Variants in TNPO3 observed in about 807,000 individuals in gnomAD.
TNPO3 encodes transportin-3.
In TNPO3, 65 loss-of-function variants were observed where a neutral mutation model predicts 122.8. That is an observed-to-expected ratio of 0.53 (90% confidence interval 0.43 to 0.65). The LOEUF (loss-of-function observed/expected upper bound fraction) is 0.65. Ranked by LOEUF, TNPO3 falls within the 30% of genes least tolerant of loss-of-function variation. The pLI is 0.00. For missense variants in TNPO3, 850 were observed against 1,136.7 expected, an observed-to-expected ratio of 0.75 and a Z score of 3.63; for synonymous variants, 372 against 411.2, an observed-to-expected ratio of 0.90 and a Z score of 1.15.
intron 21 of TNPO3, 109 bp from the exon 22 acceptor site, chr7:128,957,424 G>A (rs1797005610): frequency 8.9e-7 from 1 of 1,118,862 alleles, no homozygotes. Flanking sequence ...TCTGCTAGGA[G>A]CTCTCTCCAT....
At chr7:129,048,164 G>A (rs964514669) in intron 1 of TNPO3, among the ~76,000 whole-genome samples, 3 of 152,176 alleles carry the variant, frequency 2.0e-5, no homozygotes, top group Admixed American at 6.5e-5. Flanking sequence ...GGTGAGCAAG[G>A]CTGCAGTGAG....
At chr7:128,970,390 T>C in intron 19 of TNPO3, 75 bp from the exon 20 acceptor site, 1 of 1,408,800 alleles carries the variant, frequency 7.1e-7, no homozygotes, top group Non-Finnish European at 9.6e-7. Context: ...CTTTCCCCTT[T>C]AGTAATTTCT....
At chr7:129,013,694 T>C (rs1803487295) in intron 4 of TNPO3, among the ~76,000 whole-genome samples, 2 of 152,150 alleles carry the variant, frequency 1.3e-5, no homozygotes, top group Admixed American at 1.3e-4. Flanking sequence ...CTATTCACAA[T>C]AGCCAAGATA....
intron 10 of TNPO3, among the ~76,000 whole-genome samples, chr7:128,991,162 T>C (rs1800706547): frequency 6.6e-6 from 1 of 152,164 alleles, no homozygotes; most frequent in Admixed American, 6.5e-5. Context: ...TAAGAGTAAA[T>C]AGTGTGGTAC....
intron 1 of TNPO3, among the ~76,000 whole-genome samples, chr7:129,040,592 T>C (rs1365939821): frequency 6.6e-6 from 1 of 152,158 alleles, no homozygotes; most frequent in Non-Finnish European, 1.5e-5. Flanking sequence ...GTAAGAAAAT[T>C]ACCTCTCGTT....
chr7:128,986,254 G>T (rs1482465225), intron 12 of TNPO3, among the ~76,000 whole-genome samples: 1 of 152,110 alleles, frequency 6.6e-6, no homozygotes, highest in Non-Finnish European at 1.5e-5. Flanking sequence ...TCATCACAAT[G>T]GCTGTTTGCC....
intron 6 of TNPO3, among the ~76,000 whole-genome samples, 168 bp from the exon 7 acceptor site, chr7:129,000,735 G>A (rs577384516): frequency 5.3e-5 from 8 of 152,122 alleles, no homozygotes; most frequent in Non-Finnish European, 8.8e-5. Context: ...TACCTAGATC[G>A]TACACTCCTA....
chr7:128,965,294 G>C (rs1797829487), intron 21 of TNPO3, among the ~76,000 whole-genome samples: 1 of 152,140 alleles, frequency 6.6e-6, no homozygotes, highest in Non-Finnish European at 1.5e-5. Flanking sequence ...ATTTCTCCAA[G>C]AAGACAAAAC....
chr7:128,957,851 G>C lies in TNPO3; in HGVS notation c.2712-536C>G, dbSNP rs141499822. ...TCCACCAGTCATTGATTTTCTAGTT[G>C]AACAGGCTGCTCAGGATTTCCTCCT... On this transcript the variant is annotated intron_variant, in intron 21 of 22. Transcript: ENST00000265388. 7.9e-5 allele frequency among the ~76,000 whole-genome samples: 12 copies of C among 152,276 alleles called. 1 individual carries two copies. In the East Asian group the frequency reaches 2.3e-3, roughly 29 times the overall value.
chr7:128,974,068 G>A (rs1405418893), intron 18 of TNPO3, among the ~76,000 whole-genome samples: 1 of 151,522 alleles, frequency 6.6e-6, no homozygotes, highest in African/African-American at 2.4e-5. Context: ...CAACTACTCG[G>A]GAGGCTGAGG....
At chr7:129,023,166 G>A (rs905145927) in intron 1 of TNPO3, among the ~76,000 whole-genome samples, 15 of 152,086 alleles carry the variant, frequency 9.9e-5, no homozygotes, top group African/African-American at 3.6e-4. Context: ...CACCTTCTGT[G>A]TCCCTCACAA....
At chr7:128,995,862 C>T (rs994476037) in intron 8 of TNPO3, among the ~76,000 whole-genome samples, 1 of 152,172 alleles carries the variant, frequency 6.6e-6, no homozygotes, top group Non-Finnish European at 1.5e-5. Flanking sequence ...CCATGCCCAG[C>T]TAATTTTTGT....
At chr7:128,991,554 T>G (rs571721677) in intron 10 of TNPO3, among the ~76,000 whole-genome samples, 37 of 152,348 alleles carry the variant, frequency 2.4e-4, no homozygotes, top group African/African-American at 7.9e-4. Flanking sequence ...CTGGCTCTTT[T>G]AGGTGAAAAG....
intron 1 of TNPO3, among the ~76,000 whole-genome samples, chr7:129,019,116 T>C (rs765467152): frequency 1.1e-4 from 17 of 152,154 alleles, no homozygotes; most frequent in Non-Finnish European, 2.1e-4. Flanking sequence ...ATAGACATAA[T>C]AAAAAGAACC....
intron 1 of TNPO3, among the ~76,000 whole-genome samples, chr7:129,043,166 C>T (rs1807596158): frequency 6.6e-6 from 1 of 151,828 alleles, no homozygotes; most frequent in South Asian, 2.1e-4. Context: ...CTTGGGAGGC[C>T]AAGGTGGGAG....
intron 21 of TNPO3, among the ~76,000 whole-genome samples, chr7:128,962,341 C>T (rs1292565778): frequency 3.5e-5 from 5 of 143,446 alleles, no homozygotes; most frequent in Admixed American, 7.2e-5. Flanking sequence ...GTCCGCAGTC[C>T]GGCCTGGGCG....
chr7:129,039,348 G>A (rs1369538066), intron 1 of TNPO3, among the ~76,000 whole-genome samples: 1 of 152,112 alleles, frequency 6.6e-6, no homozygotes, highest in Non-Finnish European at 1.5e-5. Context: ...GATCGCTTGA[G>A]CCCAAGAGTT....
chr7:129,028,101 G>A (rs925980629), intron 1 of TNPO3, among the ~76,000 whole-genome samples: 2 of 152,278 alleles, frequency 1.3e-5, no homozygotes, highest in African/African-American at 2.4e-5. Context: ...TCAAGGAAGG[G>A]AAATCAGAAA....
chr7:129,032,400 G>A (rs1806053405), intron 1 of TNPO3, among the ~76,000 whole-genome samples: 1 of 152,152 alleles, frequency 6.6e-6, no homozygotes, highest in Non-Finnish European at 1.5e-5. Flanking sequence ...TTGAAAGGAA[G>A]ATGTAAAATA....
Sources: allele counts gnomAD v4.1 joint callset (sites outside exome capture counted in the v4.1 genomes callset), GRCh38; gene constraint gnomAD v4.1.1; transcripts MANE v1.5; gene names NCBI Gene and HGNC (gene_info 2026-07-23, HGNC 2026-07-21).